The following KIF22 variants were observed in gnomAD, a reference collection of about 807,000 sequenced individuals.
KIF22 encodes kinesin-like protein KIF22.
Under a neutral mutation model 73.0 loss-of-function variants are expected in KIF22, and 62 were observed. That is an observed-to-expected ratio of 0.85 (90% confidence interval 0.69 to 1.05). KIF22 has a LOEUF of 1.05. Ranked by LOEUF, KIF22 falls within the 50% of genes least tolerant of loss-of-function variation. KIF22 has a pLI of 0.00. For synonymous variants in KIF22, 411 were observed against 340.1 expected (o/e 1.21, Z -2.29); for missense variants, 854 against 870.1 (o/e 0.98, Z 0.23).
chr16:29,795,345 G>A (rs1898923026), intron 1 of KIF22, among the ~76,000 whole-genome samples: 1 of 152,224 alleles, frequency 6.6e-6, no homozygotes, highest in African/African-American at 2.4e-5. Context: ...CAGCCCGTCT[G>A]CTTATGGGCA....
At chr16:29,793,433 CA>C (rs1218719032) in intron 1 of KIF22, among the ~76,000 whole-genome samples, 1 of 151,364 alleles carries the variant, frequency 6.6e-6, no homozygotes. Context: ...GATTCTGTCT[CA>C]AAAAAAAGGA....
intron 1 of KIF22, 45 bp from the exon 2 acceptor site, chr16:29,796,845 TCTG>T: frequency 6.3e-7 from 1 of 1,593,758 alleles, no homozygotes; most frequent in Non-Finnish European, 8.6e-7. Context: ...CCCTGCTTCT[TCTG>T]CTACCACCAT....
At chr16:29,803,055 G>A (rs1002381556) in intron 9 of KIF22, 118 bp downstream of exon 9, 13 of 1,004,540 alleles carry the variant, frequency 1.3e-5, no homozygotes, top group African/African-American at 6.5e-5. Context: ...TCCCAATACC[G>A]GAAGTTCTCC....
At chr16:29,796,552 CTT>C (rs879291113) in intron 1 of KIF22, among the ~76,000 whole-genome samples, 8 of 145,100 alleles carry the variant, frequency 5.5e-5, no homozygotes, top group Non-Finnish European at 3.0e-5. Flanking sequence ...CTCTCTCTCT[CTT>C]TTTTTTTTTT....
chr16:29,800,581 A>G (rs1186514400), intron 8 of KIF22, among the ~76,000 whole-genome samples: 1 of 152,196 alleles, frequency 6.6e-6, no homozygotes, highest in Non-Finnish European at 1.5e-5. Context: ...CCTGGCCAAC[A>G]TGGTGAAACC....
At position 29,798,325 on chromosome 16, in the gene KIF22, C is replaced by T. The variant is rs1196297028; in HGVS notation, c.267-49C>T. 3.3e-6 allele frequency: 5 copies of T among 1,524,076 alleles called. No individual in the cohort carries two copies. In the African/African-American group the frequency reaches 7.5e-5, roughly 23 times the overall value. 94.4% of individuals were successfully genotyped at this position (1,524,076 alleles called of 1,614,324 possible). ...CCACTCCACCCCTTACACACACACA[C>T]ACACACACACACACACACACACGCT... On this transcript the variant is annotated intron_variant, in intron 2 of 13. Transcript: ENST00000160827. This position sits in a 1 kb window ranked among gnomAD's most constrained non-coding sequence, Gnocchi z 4.1.
rs368750627 is a variant in KIF22 at position 29,798,632 on chromosome 16, G to C, written c.434G>C (p.Gly145Ala). ...ATGCTGGGCAGCCCAGAGCAACCTGGGGTGATCCCGCGGGCTCTCATGGAC... is the reference window on the plus strand; with the variant it reads ...ATGCTGGGCAGCCCAGAGCAACCTGCGGTGATCCCGCGGGCTCTCATGGAC... ...HTMLGSPEQP[G>A]VIPRALMDLL... The change falls in exon 4 of 14, where the codon GGG (glycine) becomes GCG (alanine). Residue 145 changes from glycine (G) to alanine (A), a missense_variant. By Grantham distance (60) the Gly-to-Ala change is moderately conservative. Transcript: ENST00000160827. This position sits in a 1 kb window ranked among gnomAD's most constrained non-coding sequence, Gnocchi z 4.1. 6.2e-7 allele frequency: 1 copy of C among 1,614,158 alleles called. No individual in the cohort carries two copies. Among genetic ancestry groups the C allele is most frequent in the Non-Finnish European group, 8.5e-7 (1 of 1,180,034 alleles).
chr16:29,804,975 G>A lies in KIF22; in HGVS notation c.1839G>A (p.Lys613=), dbSNP rs377505621. ...GCAGTCTTCAGCGCATTGGCCCGAA[G>A]AAGGCCCAGCTAATCGTGGGCTGGC... is the stretch of plus-strand genomic sequence containing the variant. ...DLRSLQRIGP[K]KAQLIVGWRE... is the part of the protein sequence containing the mutation. The change falls in exon 12 of 14, where the codon AAG becomes AAA. Residue 613 remains lysine (K), a synonymous_variant. Coordinates refer to ENST00000160827, the MANE Select transcript of KIF22 (RefSeq NM_007317.3). 43 of 1,608,974 alleles carry A rather than the reference G, an allele frequency of 2.7e-5. No homozygotes were observed. The highest frequency in any genetic ancestry group is 2.0e-4 in the Admixed American group (12 of 59,744).
chr16:29,791,680 GGTTGTTACTATTACT>G (rs1171509314), intron 1 of KIF22, among the ~76,000 whole-genome samples: 2 of 152,224 alleles, frequency 1.3e-5, no homozygotes, highest in Admixed American at 1.3e-4. Context: ...AATGCTATCA[GGTTGTTACTATTACT>G]GTCTTTGTTT....
chr16:29,791,483 C>T (rs1898814347), intron 1 of KIF22: 1 of 153,230 alleles, frequency 6.5e-6, no homozygotes, highest in African/African-American at 2.4e-5. Flanking sequence ...TTTACATGTG[C>T]CTCTCTAACC....
At chr16:29,791,195 A>T in intron 1 of KIF22, 1 of 1,113,334 alleles carries the variant, frequency 9.0e-7, no homozygotes, top group Non-Finnish European at 1.1e-6. Context: ...CGCTCTAGCC[A>T]CGAGGACGAG....
chr16:29,804,031 T>C lies in KIF22; in HGVS notation c.1643T>C (p.Ile548Thr), dbSNP rs1899241776. 1 of 1,613,806 alleles carries C rather than the reference T, an allele frequency of 6.2e-7. No individual in the cohort carries two copies. Among genetic ancestry groups the C allele is most frequent in the African/African-American group, 1.3e-5 (1 of 74,852 alleles). ...QEQAASPNAEIHILKNKGRKR... is the reference protein window; with the variant it reads ...QEQAASPNAETHILKNKGRKR... Reference sequence around the variant, plus strand: ...CAGGCAGCATCCCCAAATGCCGAGATCCACATCCTGAAGAATAAAGGCCGG... The same window carrying C: ...CAGGCAGCATCCCCAAATGCCGAGACCCACATCCTGAAGAATAAAGGCCGG... The change falls in exon 11 of 14, where the codon ATC becomes ACC. Residue 548 changes from isoleucine to threonine, a missense_variant. By Grantham distance (89) the Ile-to-Thr change is moderately conservative. Around this residue, in one of 3 missense-constraint regions of KIF22, gnomAD observed 423 missense variants for 365.4 expected, o/e 1.16. Coordinates refer to ENST00000160827, the MANE Select transcript of KIF22 (RefSeq NM_007317.3).
At position 29,799,779 on chromosome 16, in the gene KIF22, A is replaced by G. The variant is rs1567359573; in HGVS notation, c.1142A>G (p.His381Arg). ...TTTACCAATGAGAGCCTGCAGCCTC[A>G]TGGTGAGAACTGGGGGAGGCAGGAG... ...RPFTNESLQP[H>R]ALGPVKLSQK... Residue 381 changes from histidine to arginine, a missense_variant and splice_region_variant, in exon 7 of 14, where the codon CAT (histidine) becomes CGT (arginine). This residue lies in a region of KIF22 where 423 missense variants were observed against 365.4 expected (regional missense o/e 1.16). Coordinates refer to ENST00000160827, the MANE Select transcript of KIF22 (RefSeq NM_007317.3). The G allele has an allele frequency of 6.2e-7, 1 of 1,613,842 alleles. No homozygotes were observed. The highest frequency in any genetic ancestry group is 8.5e-7 in the Non-Finnish European group (1 of 1,179,876).
chr16:29,800,580 C>A (rs1368999690), intron 8 of KIF22, among the ~76,000 whole-genome samples: 1 of 152,194 alleles, frequency 6.6e-6, no homozygotes, highest in South Asian at 2.1e-4. Flanking sequence ...GCCTGGCCAA[C>A]ATGGTGAAAC....
At chr16:29,799,879 A>T in intron 7 of KIF22, 34 bp from the exon 8 acceptor site, 4 of 1,612,994 alleles carry the variant, frequency 2.5e-6, no homozygotes, top group Non-Finnish European at 1.7e-6. Flanking sequence ...ACCACCCCCA[A>T]TCCCTCTCTC....
chr16:29,805,252 C>T lies in KIF22; in HGVS notation c.1951-11C>T. 1.9e-6 allele frequency: 3 copies of T among 1,595,362 alleles called. No homozygotes were observed. The highest frequency in any genetic ancestry group is 1.7e-6 in the Non-Finnish European group (2 of 1,179,840). On this transcript the variant is annotated splice_polypyrimidine_tract_variant and intron_variant, in intron 13 of 13. Coordinates refer to ENST00000160827, the MANE Select transcript of KIF22 (RefSeq NM_007317.3). Reference sequence around the variant, plus strand: ...TCTAACGTCGCTGTCTCCCTCCCTCCTGTGTTGCAGGCAAACATCCTGGGT... The same window carrying T: ...TCTAACGTCGCTGTCTCCCTCCCTCTTGTGTTGCAGGCAAACATCCTGGGT...
rs746126363 is a variant in KIF22 at position 29,799,193 on chromosome 16, G to T, written c.759+9G>T. 4 of 1,611,622 alleles carry T rather than the reference G, an allele frequency of 2.5e-6. No homozygotes were observed. The highest frequency in any genetic ancestry group is 3.4e-6 in the Non-Finnish European group (4 of 1,178,738). On this transcript the variant is annotated intron_variant, in intron 5 of 13. Coordinates refer to ENST00000160827, the MANE Select transcript of KIF22 (RefSeq NM_007317.3). ...CTGTGCTCCTGGTCAAGGTGAGGCC[G>T]CAGACAGGGGCGAGGACCTGGGAAG... is the stretch of plus-strand genomic sequence containing the variant.
In KIF22 at chr16:29,805,367, T is replaced by C. The variant is rs945950199; in HGVS notation, c.*57T>C. 23 of 1,568,460 alleles carry C rather than the reference T, an allele frequency of 1.5e-5. No individual in the cohort carries two copies. The Middle Eastern group carries it at 2.0e-3, about 136-fold the overall frequency. On this transcript the variant is annotated 3_prime_UTR_variant, in exon 14 of 14. Coordinates refer to ENST00000160827, the MANE Select transcript of KIF22 (RefSeq NM_007317.3). ...TTTGTATAACCCCGTGTTGTGTAAA[T>C]ACAGTTTTTGCTCCGGTGCTTCCGC...
intron 10 of KIF22, 108 bp from the exon 11 acceptor site, chr16:29,803,888 ACT>A (rs1567362135): frequency 4.7e-6 from 4 of 859,862 alleles, no homozygotes; most frequent in Non-Finnish European, 7.9e-6. Flanking sequence ...CAACAGGTTA[ACT>A]CTGGATGGAG....
Sources: allele counts gnomAD v4.1 joint callset (sites outside exome capture counted in the v4.1 genomes callset), GRCh38; gene constraint gnomAD v4.1.1; regional missense constraint gnomAD v4.1.1; non-coding constraint Gnocchi (gnomAD v3.1); transcripts MANE v1.5; gene names NCBI Gene and HGNC (gene_info 2026-07-23, HGNC 2026-07-21).